The following RAB3GAP1 variants were observed in gnomAD, a reference collection of about 807,000 sequenced individuals.
The protein encoded by RAB3GAP1 is RAB3 GTPase activating protein catalytic subunit 1.
In RAB3GAP1, 86 loss-of-function variants were observed where a neutral mutation model predicts 130.7. The ratio of observed to expected loss-of-function variants is 0.66; its 90% CI spans 0.55 to 0.79. RAB3GAP1 has a LOEUF of 0.79. Ranked by LOEUF, RAB3GAP1 falls within the 30% of genes least tolerant of loss-of-function variation. RAB3GAP1 has a pLI of 0.00. For missense variants in RAB3GAP1, 1,029 were observed against 1,169.4 expected, an observed-to-expected ratio of 0.88 and a Z score of 1.75; for synonymous variants, 367 against 401.7, an observed-to-expected ratio of 0.91 and a Z score of 1.03.
intron 5 of RAB3GAP1, among the ~76,000 whole-genome samples, chr2:135,110,496 G>A (rs184190266): frequency 3.7e-4 from 57 of 152,254 alleles, no homozygotes; most frequent in Admixed American, 1.2e-3. Flanking sequence ...AGAATGGATG[G>A]GGGGAGACAT....
intron 8 of RAB3GAP1, among the ~76,000 whole-genome samples, chr2:135,122,148 GTAC>G (rs931754633): frequency 1.4e-4 from 21 of 151,916 alleles, no homozygotes; most frequent in African/African-American, 4.8e-4. Context: ...GCAGTTATAT[GTAC>G]TACTACTATT....
chr2:135,084,423 A>G (rs1340116016), intron 3 of RAB3GAP1, among the ~76,000 whole-genome samples: 1 of 152,196 alleles, frequency 6.6e-6, no homozygotes, highest in Non-Finnish European at 1.5e-5. Flanking sequence ...GATGGTATCT[A>G]TAGTTTTAGC....
chr2:135,168,510 C>A, intron 23 of RAB3GAP1, 35 bp from the exon 24 acceptor site: 3 of 1,551,864 alleles, frequency 1.9e-6, no homozygotes, highest in Non-Finnish European at 2.7e-6. Flanking sequence ...TAGCATTTGA[C>A]CTGCTTTTGA....
chr2:135,055,546 T>C (rs1275454839), intron 2 of RAB3GAP1, among the ~76,000 whole-genome samples: 1 of 151,936 alleles, frequency 6.6e-6, no homozygotes, highest in Admixed American at 6.6e-5. Context: ...GGCATGGTGA[T>C]GTGCACCTGT....
intron 2 of RAB3GAP1, among the ~76,000 whole-genome samples, chr2:135,057,344 T>C (rs1689042169): frequency 6.6e-6 from 1 of 152,172 alleles, no homozygotes; most frequent in Non-Finnish European, 1.5e-5. Flanking sequence ...AAAGGAAAAG[T>C]TTATTTAAAT....
chr2:135,125,431 A>T (rs1691320935), intron 9 of RAB3GAP1, among the ~76,000 whole-genome samples: 1 of 152,226 alleles, frequency 6.6e-6, no homozygotes, highest in Non-Finnish European at 1.5e-5. Context: ...TAAATTTGGC[A>T]CAGTAAGATT....
intron 3 of RAB3GAP1, among the ~76,000 whole-genome samples, chr2:135,084,272 G>A (rs1018605883): frequency 6.6e-6 from 1 of 151,994 alleles, no homozygotes; most frequent in African/African-American, 2.4e-5. Flanking sequence ...AATCAATTTG[G>A]GTTGTCTTCT....
chr2:135,071,454 A>AT (rs1221434655), intron 3 of RAB3GAP1, among the ~76,000 whole-genome samples: 2 of 152,028 alleles, frequency 1.3e-5, no homozygotes, highest in Non-Finnish European at 2.9e-5. Flanking sequence ...CTATCTTTGA[A>AT]TTCCTTTCTG....
chr2:135,066,890 G>T (rs1238939557), intron 3 of RAB3GAP1, among the ~76,000 whole-genome samples: 3 of 152,092 alleles, frequency 2.0e-5, no homozygotes, highest in Non-Finnish European at 4.4e-5. Context: ...TGACTGACTC[G>T]TATCTCCCTG....
rs1170938135 is a variant in RAB3GAP1 at position 135,170,572 on chromosome 2, G to A, written c.*1791G>A. ...CCCTTACAGGGAAAACTGACACCACGTTGCCACAAAATGTTGAGTATAGTC... is the reference window on the plus strand; with the variant it reads ...CCCTTACAGGGAAAACTGACACCACATTGCCACAAAATGTTGAGTATAGTC... On this transcript the variant is annotated 3_prime_UTR_variant, in exon 24 of 24. Transcript: ENST00000264158. 4.6e-5 allele frequency: 7 copies of A among 152,310 alleles called. No homozygotes were observed. Among genetic ancestry groups the A allele is most frequent in the Non-Finnish European group, 8.8e-5 (6 of 68,040 alleles). 9.4% of individuals were successfully genotyped at this position (152,310 alleles called of 1,614,324 possible). A position where few individuals can be genotyped will look rare whatever the true frequency, so the allele number is the denominator to read the frequency against.
intron 3 of RAB3GAP1, among the ~76,000 whole-genome samples, chr2:135,086,100 A>C (rs989615679): frequency 6.6e-6 from 1 of 152,158 alleles, no homozygotes; most frequent in Non-Finnish European, 1.5e-5. Flanking sequence ...TTTTTATTCT[A>C]TAACTATACC....
intron 3 of RAB3GAP1, among the ~76,000 whole-genome samples, chr2:135,075,067 A>T (rs982710703): frequency 2.0e-5 from 3 of 152,212 alleles, no homozygotes; most frequent in African/African-American, 7.2e-5. Context: ...ACGTTTAAAA[A>T]AAAATGCTTC....
chr2:135,085,079 C>T (rs544705254), intron 3 of RAB3GAP1, among the ~76,000 whole-genome samples: 1 of 152,140 alleles, frequency 6.6e-6, no homozygotes, highest in Admixed American at 6.5e-5. Context: ...AATTGTAATA[C>T]AAGGAAGATG....
At chr2:135,085,159 G>A (rs889300645) in intron 3 of RAB3GAP1, among the ~76,000 whole-genome samples, 26 of 152,266 alleles carry the variant, frequency 1.7e-4, no homozygotes, top group African/African-American at 6.0e-4. Flanking sequence ...TTCCACCAAC[G>A]TGAGAAACTT....
intron 17 of RAB3GAP1, among the ~76,000 whole-genome samples, chr2:135,141,523 C>G (rs1402531287): frequency 6.6e-6 from 1 of 152,060 alleles, no homozygotes; most frequent in Non-Finnish European, 1.5e-5. Context: ...CGCGCCTGGC[C>G]TGTTCACTTT....
chr2:135,088,106 A>C (rs76658372), intron 3 of RAB3GAP1, among the ~76,000 whole-genome samples: 2,137 of 152,292 alleles, frequency 0.014, 32 homozygotes, highest in Non-Finnish European at 0.019. Flanking sequence ...TTGTTGGTTA[A>C]GGTTGACAAT....
At chr2:135,106,306 C>T (rs946162836) in intron 5 of RAB3GAP1, among the ~76,000 whole-genome samples, 3 of 152,094 alleles carry the variant, frequency 2.0e-5, no homozygotes, top group East Asian at 1.9e-4. Flanking sequence ...GCGGTTTTGT[C>T]GAATAGAAAA....
Position 135,169,026 on chromosome 2 carries a change from G to T in RAB3GAP1, c.*245G>T, listed in dbSNP as rs1277245691. 3 of 529,230 alleles carry T rather than the reference G, an allele frequency of 5.7e-6. No individual in the cohort carries two copies. The highest frequency in any genetic ancestry group is 1.0e-5 in the Non-Finnish European group (3 of 293,202). 32.8% of individuals were successfully genotyped at this position (529,230 alleles called of 1,614,324 possible). ...TGCCCTAGAGATGGCCTTTGTATAT[G>T]GGGGGGTGGTGGGGGGACACAAACA... On this transcript the variant is annotated 3_prime_UTR_variant, in exon 24 of 24. Transcript: ENST00000264158.
chr2:135,054,458 A>G (rs1688956528), intron 2 of RAB3GAP1, among the ~76,000 whole-genome samples: 1 of 152,226 alleles, frequency 6.6e-6, no homozygotes, highest in African/African-American at 2.4e-5. Flanking sequence ...GGGAACCTAG[A>G]AGGGAGGATT....
Sources: gnomAD v4.1 joint callset for allele counts (sites outside exome capture counted in the v4.1 genomes callset) on GRCh38, gnomAD v4.1.1 for gene constraint, MANE v1.5 for transcripts, NCBI Gene and HGNC (gene_info 2026-07-23, HGNC 2026-07-21) for gene names.